PATL1: variants seen among roughly 807,000 people sequenced by gnomAD.
PATL1 encodes protein PAT1 homolog 1.
A neutral mutation model predicts 100.6 loss-of-function variants in PATL1; 32 were observed. The observed-to-expected ratio is 0.32, with a 90% CI of 0.24 to 0.43. The LOEUF is 0.43. Ranked by LOEUF, PATL1 falls within the 20% of genes least tolerant of loss-of-function variation. PATL1 has a pLI of 1.00. For synonymous variants in PATL1, 332 were observed against 330.0 expected (o/e 1.01, Z -0.07); for missense variants, 747 against 949.9 (o/e 0.79, Z 2.81).
chr11:59,654,508 A>G (rs1861496350), intron 8 of PATL1, among the ~76,000 whole-genome samples: 3 of 151,076 alleles, frequency 2.0e-5, no homozygotes, highest in African/African-American at 7.3e-5. Flanking sequence ...AAAAAAAAAA[A>G]GAGTCTATTC....
intron 9 of PATL1, 45 bp downstream of exon 9, chr11:59,653,937 TA>T: frequency 6.6e-7 from 1 of 1,523,112 alleles, no homozygotes; most frequent in Non-Finnish European, 9.1e-7. Context: ...CTGTTAAAAT[TA>T]AAAGCTGAAT....
At chr11:59,655,841 A>G in intron 7 of PATL1, 101 bp from the exon 8 acceptor site, 9 of 1,403,914 alleles carry the variant, frequency 6.4e-6, no homozygotes, top group Non-Finnish European at 8.8e-6. Flanking sequence ...ACTTTGTTTG[A>G]AAAAGTAAAG....
chr11:59,651,479 G>T, intron 12 of PATL1, 65 bp downstream of exon 12: 2 of 1,280,436 alleles, frequency 1.6e-6, no homozygotes, highest in Non-Finnish European at 2.2e-6. Flanking sequence ...CTCATTCCAT[G>T]GTGACCCCAA....
chr11:59,658,773 ACCTATAAAC>A, intron 4 of PATL1, 84 bp downstream of exon 4: 1 of 883,134 alleles, frequency 1.1e-6, no homozygotes, highest in South Asian at 1.7e-5. Context: ...CAAATGAAAG[ACCTATAAAC>A]CCCTTCAGTA....
At chr11:59,651,993 A>T (rs1861451225) in intron 11 of PATL1, among the ~76,000 whole-genome samples, 1 of 135,836 alleles carries the variant, frequency 7.4e-6, no homozygotes, top group Non-Finnish European at 1.5e-5. Flanking sequence ...TGAGCCCAGG[A>T]GGTGGAGGTT....
intron 11 of PATL1, 125 bp downstream of exon 11, chr11:59,652,339 T>C: frequency 1.5e-6 from 2 of 1,345,334 alleles, no homozygotes; most frequent in Non-Finnish European, 2.0e-6. Flanking sequence ...AGAACAATGG[T>C]ACTTTTAAAA....
chr11:59,649,751 A>T (rs1236705582), intron 13 of PATL1, 141 bp from the exon 14 acceptor site: 6 of 876,082 alleles, frequency 6.8e-6, no homozygotes, highest in Non-Finnish European at 1.0e-5. Context: ...TAATGTAGAA[A>T]ACCATATGAA....
intron 2 of PATL1, among the ~76,000 whole-genome samples, chr11:59,666,454 G>C (rs531733531): frequency 6.6e-6 from 1 of 152,188 alleles, no homozygotes; most frequent in African/African-American, 2.4e-5. Context: ...CCACATCCTA[G>C]AATCTGAATT....
chr11:59,656,514 C>G lies in PATL1; in HGVS notation c.708G>C (p.Gln236His), dbSNP rs1175847622. 1.9e-6 allele frequency: 3 copies of G among 1,613,628 alleles called. No homozygotes were observed. Among genetic ancestry groups the G allele is most frequent in the East Asian group, 2.2e-5 (1 of 44,906 alleles). The change falls in exon 6 of 19, where the codon CAG becomes CAC. Residue 236 changes from glutamine (Q) to histidine (H), a missense_variant. Around this residue, in one of 4 missense-constraint regions of PATL1, gnomAD observed 127 missense variants for 116.0 expected, o/e 1.09. Transcript: ENST00000300146. ...APYGERMSPNQLCSVPNSSLL... is the reference protein window; with the variant it reads ...APYGERMSPNHLCSVPNSSLL... ...AGTGACATACCGGGACACTGCAGAGCTGGTTTGGAGACATCCTCTCACCAT... is the reference window on the plus strand; with the variant it reads ...AGTGACATACCGGGACACTGCAGAGGTGGTTTGGAGACATCCTCTCACCAT...
intron 15 of PATL1, among the ~76,000 whole-genome samples, chr11:59,646,470 G>A (rs1315019535): frequency 1.3e-5 from 2 of 152,130 alleles, no homozygotes; most frequent in Non-Finnish European, 2.9e-5. Context: ...ATAGGCGTAA[G>A]CCACTGTGCC....
chr11:59,661,296 G>A (rs1861621623), intron 2 of PATL1, among the ~76,000 whole-genome samples: 1 of 152,108 alleles, frequency 6.6e-6, no homozygotes, highest in Non-Finnish European at 1.5e-5. Flanking sequence ...ATGTTGCCCA[G>A]ACTGGTCTTA....
In PATL1 at chr11:59,651,625, A is replaced by G. The variant is rs1486892376; in HGVS notation, c.1443T>C (p.Ser481=). ...HAYKPVQFEG[S]LGKLTVSSVN... ...CACTAGAAACGGTAAGCTTTCCCAA[A>G]GAGCCCTCAAATTGCACTGCAAAGA... Residue 481 remains serine (S), a synonymous_variant, in exon 12 of 19, where the codon TCT becomes TCC. Transcript: ENST00000300146. The G allele has an allele frequency of 1.2e-6, 2 of 1,611,432 alleles. No homozygotes were observed. The highest frequency in any genetic ancestry group is 8.5e-7 in the Non-Finnish European group (1 of 1,178,770).
intron 16 of PATL1, 87 bp from the exon 17 acceptor site, chr11:59,639,470 G>C (rs1190477068): frequency 1.3e-5 from 13 of 999,328 alleles, no homozygotes; most frequent in Non-Finnish European, 1.5e-6. Flanking sequence ...ATCAGATGGG[G>C]AACAGCTCTA....
At chr11:59,650,637 T>C (rs996144872) in intron 13 of PATL1, 117 bp downstream of exon 13, 2 of 690,384 alleles carry the variant, frequency 2.9e-6, no homozygotes, top group African/African-American at 1.8e-5. Context: ...CAGCAATATA[T>C]TCATGAATTA....
In PATL1 at chr11:59,649,327, G is replaced by A; in HGVS notation, c.1733+135C>T. ...GTATTTTAAATGAAGTGGCATTTGA[G>A]TTAGGCTAAAAGGATAGATTCTGAG... On this transcript the variant is annotated intron_variant, in intron 14 of 18. Transcript: ENST00000300146. 3.4e-6 allele frequency: 3 copies of A among 870,986 alleles called. No individual in the cohort carries two copies. In the South Asian group the frequency reaches 5.8e-5, roughly 17 times the overall value. The allele number at this position is 870,986 out of a possible 1,614,324, so 54.0% of individuals were successfully genotyped here.
chr11:59,665,730 G>A (rs1861677252), intron 2 of PATL1, among the ~76,000 whole-genome samples: 1 of 152,124 alleles, frequency 6.6e-6, no homozygotes, highest in Admixed American at 6.5e-5. Context: ...AAGCTGCAGT[G>A]AGCCGAGATC....
rs1243379393 is a variant in PATL1, at chr11:59,655,668, T to C, written c.886A>G (p.Met296Val). The change falls in exon 8 of 19, where the codon ATG (methionine) becomes GTG (valine). Residue 296 changes from methionine (M) to valine (V), a missense_variant. By Grantham distance (21) the Met-to-Val change is conservative. Coordinates refer to ENST00000300146, the MANE Select transcript of PATL1 (RefSeq NM_152716.3). ...PGFVGSPLAA[M>V]NPKLLQGRVG... ...CGCCCTTGTAGCAACTTGGGATTCA[T>C]GGCAGCAAGTGGACTACCAACAAAT... The C allele has an allele frequency of 6.9e-6, 11 of 1,604,796 alleles. No homozygotes were observed. Among genetic ancestry groups the C allele is most frequent in the Non-Finnish European group, 9.4e-6 (11 of 1,175,710 alleles).
chr11:59,657,912 C>T (rs1861559893), intron 4 of PATL1, among the ~76,000 whole-genome samples, 188 bp from the exon 5 acceptor site: 2 of 151,774 alleles, frequency 1.3e-5, no homozygotes. Context: ...GCCTGAAATC[C>T]CAGCGCCTTG....
At chr11:59,649,359 G>A in intron 14 of PATL1, 103 bp downstream of exon 14, 1 of 1,153,324 alleles carries the variant, frequency 8.7e-7, no homozygotes, top group South Asian at 1.6e-5. Context: ...TGAGCTTACA[G>A]AGATGGTAGG....
Sources: allele counts gnomAD v4.1 joint callset (sites outside exome capture counted in the v4.1 genomes callset), GRCh38; gene constraint gnomAD v4.1.1; regional missense constraint gnomAD v4.1.1; transcripts MANE v1.5; gene names NCBI Gene and HGNC (gene_info 2026-07-23, HGNC 2026-07-21).